Variants in MUC7 observed in about 807,000 individuals in gnomAD.
MUC7 encodes the protein mucin-7.
MUC7 carries 2 observed loss-of-function variants against 2.5 expected under a neutral mutation model. That is an observed-to-expected ratio of 0.81 (90% CI 0.33 to 2.55). The LOEUF (loss-of-function observed/expected upper bound fraction) is 2.55, where lower values mean the gene tolerates loss of function less well. Ranked by LOEUF, MUC7 falls within the 30% of genes most tolerant of loss-of-function variation. The pLI, the probability that MUC7 is intolerant of heterozygous loss-of-function variation, is 0.11. For missense variants in MUC7, 408 were observed against 455.6 expected (o/e 0.90, Z 0.95); for synonymous variants, 133 against 173.4 (o/e 0.77, Z 1.83).
intron 1 of MUC7, among the ~76,000 whole-genome samples, chr4:70,464,937 C>T (rs1165223376): frequency 2.0e-5 from 3 of 152,226 alleles, no homozygotes; most frequent in Admixed American, 6.5e-5. Flanking sequence ...TCCCTGACCC[C>T]TGTGCCTCCT....
intron 1 of MUC7, among the ~76,000 whole-genome samples, chr4:70,465,804 A>C (rs1042914482): frequency 6.6e-6 from 1 of 152,220 alleles, no homozygotes; most frequent in Non-Finnish European, 1.5e-5. Flanking sequence ...GGAGAATGGA[A>C]CCAAGTTGAA....
At chr4:70,469,879 A>G (rs1292391347), upstream of MUC7, among the ~76,000 whole-genome samples, 2 of 152,364 alleles carry the variant, frequency 1.3e-5, no homozygotes, top group South Asian at 4.1e-4. Flanking sequence ...AACCAGAAAT[A>G]TCGTTTGACC....
intron 1 of MUC7, among the ~76,000 whole-genome samples, chr4:70,436,228 C>T (rs1416126268): frequency 1.3e-5 from 2 of 152,132 alleles, no homozygotes; most frequent in African/African-American, 2.4e-5. Flanking sequence ...CTCTGTATTT[C>T]CTGAATTTGA....
rs1217638348 is a variant in MUC7 at position 70,481,916 on chromosome 4, A to T, written c.*38A>T. The T allele has an allele frequency of 6.3e-7, 1 of 1,587,204 alleles. No homozygotes were observed. Among genetic ancestry groups the T allele is most frequent in the South Asian group, 1.2e-5 (1 of 85,958 alleles). ...TGTAAAGTGTTCTGTCATTTACAAG[A>T]TGTGATTCATGAGTGCAGAACTACC... On this transcript the variant is annotated 3_prime_UTR_variant, in exon 3 of 3. Transcript: ENST00000304887.
At chr4:70,439,460 G>C (rs1351029111) in intron 1 of MUC7, among the ~76,000 whole-genome samples, 2 of 152,254 alleles carry the variant, frequency 1.3e-5, no homozygotes, top group African/African-American at 4.8e-5. Flanking sequence ...TTGGAGATAG[G>C]CTATAGGGGA....
At chr4:70,447,365 T>C (rs907278724) in intron 1 of MUC7, among the ~76,000 whole-genome samples, 1 of 152,152 alleles carries the variant, frequency 6.6e-6, no homozygotes, top group African/African-American at 2.4e-5. Flanking sequence ...GGCTCCTCTT[T>C]ACAACGTGTT....
At chr4:70,444,852 G>C (rs1199788996) in intron 1 of MUC7, among the ~76,000 whole-genome samples, 1 of 152,128 alleles carries the variant, frequency 6.6e-6, no homozygotes, top group African/African-American at 2.4e-5. Flanking sequence ...AGGAGTTCGA[G>C]ACCAGCCTGG....
intron 2 of MUC7, among the ~76,000 whole-genome samples, chr4:70,475,090 C>A (rs1486973722): frequency 6.6e-6 from 1 of 152,040 alleles, no homozygotes; most frequent in African/African-American, 2.4e-5. Context: ...ACCAGCCTGG[C>A]CAACATGGTG....
intron 2 of MUC7, among the ~76,000 whole-genome samples, chr4:70,476,409 C>T (rs952596150): frequency 3.3e-5 from 5 of 152,128 alleles, no homozygotes; most frequent in African/African-American, 9.7e-5. Context: ...AATCCAGACA[C>T]CTAAAGAATC....
At chr4:70,467,291 C>T (rs181230563), upstream of MUC7, among the ~76,000 whole-genome samples, 19 of 152,184 alleles carry the variant, frequency 1.2e-4, no homozygotes, top group Admixed American at 2.6e-4. Context: ...GCACTAAATG[C>T]CCACAAGAGA....
At chr4:70,454,270 C>T (rs539739481) in intron 1 of MUC7, among the ~76,000 whole-genome samples, 2 of 152,316 alleles carry the variant, frequency 1.3e-5, no homozygotes, top group African/African-American at 4.8e-5. Flanking sequence ...TTATTTAGAA[C>T]CACAGAGTAC....
At chr4:70,465,558 C>T (rs562290542) in intron 1 of MUC7, among the ~76,000 whole-genome samples, 1 of 152,154 alleles carries the variant, frequency 6.6e-6, no homozygotes, top group South Asian at 2.1e-4. Context: ...CCATAATGAC[C>T]TGATGGAGCT....
At chr4:70,475,425 G>A (rs1228859499) in intron 2 of MUC7, among the ~76,000 whole-genome samples, 1 of 152,140 alleles carries the variant, frequency 6.6e-6, no homozygotes, top group Non-Finnish European at 1.5e-5. Context: ...TAGGGGTAAA[G>A]TCTATATTTA....
intron 1 of MUC7, among the ~76,000 whole-genome samples, chr4:70,439,378 G>A (rs772137709): frequency 1.6e-4 from 25 of 152,186 alleles, no homozygotes; most frequent in Non-Finnish European, 3.4e-4. Context: ...GAAGTCAATG[G>A]GATCCCACTG....
chr4:70,441,335 T>C (rs1441929557), intron 1 of MUC7, among the ~76,000 whole-genome samples: 1 of 152,168 alleles, frequency 6.6e-6, no homozygotes, highest in Non-Finnish European at 1.5e-5. Flanking sequence ...AGTACAACCA[T>C]TAAATGACCC....
At position 70,480,961 on chromosome 4, in the gene MUC7, A is replaced by T; in HGVS notation, c.217A>T (p.Lys73Ter). 6.2e-7 allele frequency: 1 copy of T among 1,614,052 alleles called. No homozygotes were observed. The highest frequency in any genetic ancestry group is 8.5e-7 in the Non-Finnish European group (1 of 1,180,000). Residue 73 changes from lysine (K) to a stop codon, truncating the protein, a stop_gained, in exon 3 of 3, where the codon AAG becomes TAG. Transcript: ENST00000304887. LOFTEE classifies it low-confidence loss of function (END_TRUNC). The part of the protein sequence containing the change: ...YKCLHKRCRP[K>*]LPPSPNNPPK... ...ATGTCTGCACAAACGCTGTAGGCCT[A>T]AGCTTCCACCTTCACCTAATAACCC...
At chr4:70,472,710 C>T (rs1396780591) in intron 1 of MUC7, among the ~76,000 whole-genome samples, 1 of 152,132 alleles carries the variant, frequency 6.6e-6, no homozygotes, top group Non-Finnish European at 1.5e-5. Context: ...TTGCAACTCA[C>T]TCAAAGTCAT....
At chr4:70,447,486 C>T (rs1734174563) in intron 1 of MUC7, among the ~76,000 whole-genome samples, 1 of 152,124 alleles carries the variant, frequency 6.6e-6, no homozygotes, top group African/African-American at 2.4e-5. Context: ...TGATTATATA[C>T]AATCAAGTAT....
chr4:70,451,510 T>C (rs7692277), intron 1 of MUC7, among the ~76,000 whole-genome samples: 122,845 of 152,132 alleles, frequency 0.81, 50,075 homozygotes, highest in Middle Eastern at 0.88. Flanking sequence ...GTGGAGCTTT[T>C]TATTCCACCA....
Sources: allele counts gnomAD v4.1 joint callset (sites outside exome capture counted in the v4.1 genomes callset), GRCh38; gene constraint gnomAD v4.1.1; transcripts MANE v1.5; gene names NCBI Gene and HGNC (gene_info 2026-07-23, HGNC 2026-07-21).